Variants in IGFL2 observed in about 807,000 individuals in gnomAD.
The protein encoded by IGFL2 is insulin growth factor-like family member 2.
IGFL2 carries 7 observed loss-of-function variants against 13.9 expected under a neutral mutation model. The ratio of observed to expected loss-of-function variants is 0.51; its 90% CI spans 0.29 to 0.95. The LOEUF is 0.95. IGFL2 is among the 40% of genes least tolerant of loss of function. The pLI is 0.08. For synonymous variants in IGFL2, 55 were observed against 55.8 expected, an observed-to-expected ratio of 0.99 and a Z score of 0.07; for missense variants, 138 against 147.8, an observed-to-expected ratio of 0.93 and a Z score of 0.34.
At chr19:46,209,440 C>T in the IGFL2 span, 2 of 152,254 alleles carry the variant, frequency 1.3e-5, no homozygotes, top group Non-Finnish European at 2.9e-5. Context: ...CAACATAGGA[C>T]ACACCATGTC....
chr19:46,154,446 T>C (rs1437615105), intron 1 of IGFL2, among the ~76,000 whole-genome samples: 1 of 152,064 alleles, frequency 6.6e-6, no homozygotes, highest in Non-Finnish European at 1.5e-5. Flanking sequence ...GGGTTTTGTT[T>C]TGTTTTGTTT....
chr19:46,160,961 C>T, intron 3 of IGFL2, 80 bp downstream of exon 3: 1 of 1,556,806 alleles, frequency 6.4e-7, no homozygotes, highest in South Asian at 1.1e-5. Flanking sequence ...CTTCATCACT[C>T]CTTTTGAAGA....
the IGFL2 span, among the ~76,000 whole-genome samples, chr19:46,107,811 C>A: frequency 6.6e-6 from 1 of 152,086 alleles, no homozygotes; most frequent in African/African-American, 2.4e-5. Context: ...GCCTTCTGGC[C>A]CCTCTGGGTC....
chr19:46,185,300 C>T, the IGFL2 span, among the ~76,000 whole-genome samples: 4 of 152,214 alleles, frequency 2.6e-5, no homozygotes, highest in African/African-American at 7.2e-5. Flanking sequence ...TGCCTGCCAG[C>T]TCAGTTTCCT....
the IGFL2 span, among the ~76,000 whole-genome samples, chr19:46,086,516 G>T: frequency 1.3e-5 from 2 of 152,084 alleles, no homozygotes; most frequent in Admixed American, 1.3e-4. Flanking sequence ...TAGAGACAGG[G>T]TTCCACCATG....
the IGFL2 span, chr19:46,197,386 C>T: frequency 1.3e-5 from 2 of 155,366 alleles, no homozygotes; most frequent in African/African-American, 4.8e-5. Flanking sequence ...CCTCCTGCCT[C>T]TAGTCAATCC....
At chr19:46,200,250 C>T in the IGFL2 span, among the ~76,000 whole-genome samples, 2 of 152,222 alleles carry the variant, frequency 1.3e-5, no homozygotes, top group Middle Eastern at 6.8e-3. Flanking sequence ...CTCACTGAAA[C>T]TTCCACTTCT....
chr19:46,206,829 G>A, the IGFL2 span: 2 of 152,212 alleles, frequency 1.3e-5, no homozygotes, highest in African/African-American at 2.4e-5. Flanking sequence ...GAGGCCAGAA[G>A]GCAGAATGAG....
At chr19:46,187,909 G>A in the IGFL2 span, among the ~76,000 whole-genome samples, 2 of 150,182 alleles carry the variant, frequency 1.3e-5, no homozygotes, top group African/African-American at 2.4e-5. Context: ...GATCAGAGAC[G>A]GTGAGCATTA....
chr19:46,147,688 C>T (rs1366095816), upstream of IGFL2: 3 of 152,354 alleles, frequency 2.0e-5, no homozygotes, highest in East Asian at 1.9e-4. Context: ...TTGTTGTAAC[C>T]GTACTGGGTG....
At chr19:46,124,104 C>T in the IGFL2 span, 6 of 1,610,880 alleles carry the variant, frequency 3.7e-6, no homozygotes, top group East Asian at 2.3e-5. Context: ...AGATCTTGTT[C>T]CCACACCTGG....
At chr19:46,163,393 G>A (rs777951148), downstream of IGFL2, among the ~76,000 whole-genome samples, 1 of 152,158 alleles carries the variant, frequency 6.6e-6, no homozygotes, top group Non-Finnish European at 1.5e-5. Flanking sequence ...AGAGATGAAG[G>A]TCAGCAGCCA....
Position 46,148,716 on chromosome 19 carries a change from T to C in IGFL2, c.19+419T>C, listed in dbSNP as rs1227377668. ...ACTCAGAAGGGACCATAGGTGAGAA[T>C]GGGTGTGGTGAGTGGAGGGAGAAGA... On this transcript the variant is annotated intron_variant, in intron 1 of 3. Transcript: ENST00000377693. 7.8e-6 allele frequency: 5 copies of C among 640,848 alleles called. No individual in the cohort carries two copies. In the South Asian group the frequency reaches 1.0e-4, roughly 13 times the overall value. The allele number at this position is 640,848 out of a possible 1,614,324, so 39.7% of individuals were successfully genotyped here.
the IGFL2 span, among the ~76,000 whole-genome samples, chr19:46,082,816 A>C: frequency 6.6e-6 from 1 of 151,584 alleles, no homozygotes; most frequent in African/African-American, 2.4e-5. Flanking sequence ...GTAGTCAGTT[A>C]GTCATATGGG....
chr19:46,188,755 C>T, the IGFL2 span, among the ~76,000 whole-genome samples: 1 of 152,348 alleles, frequency 6.6e-6, no homozygotes, highest in Admixed American at 6.5e-5. Context: ...CCTTGTTTGT[C>T]CTCTGATGCC....
the IGFL2 span, among the ~76,000 whole-genome samples, chr19:46,194,238 A>G: frequency 1.8e-4 from 27 of 152,138 alleles, no homozygotes; most frequent in South Asian, 4.2e-4. Flanking sequence ...GATGGAGTCT[A>G]TGTTGTCTTT....
the IGFL2 span, among the ~76,000 whole-genome samples, chr19:46,079,859 C>T: frequency 1.3e-5 from 2 of 152,286 alleles, no homozygotes; most frequent in African/African-American, 4.8e-5. Context: ...AAACTCAGAA[C>T]AGTGTCAATT....
the IGFL2 span, among the ~76,000 whole-genome samples, chr19:46,088,988 A>G: frequency 2.0e-5 from 3 of 152,174 alleles, no homozygotes; most frequent in African/African-American, 4.8e-5. Context: ...GTAGATCTTA[A>G]AAGTTATTTA....
chr19:46,134,648 G>C, the IGFL2 span, among the ~76,000 whole-genome samples: 1 of 152,264 alleles, frequency 6.6e-6, no homozygotes, highest in South Asian at 2.1e-4. Context: ...CACATGCACA[G>C]TTCACAATAG....
Sources: gnomAD v4.1 joint callset for allele counts (sites outside exome capture counted in the v4.1 genomes callset) on GRCh38, gnomAD v4.1.1 for gene constraint, MANE v1.5 for transcripts, NCBI Gene and HGNC (gene_info 2026-07-23, HGNC 2026-07-21) for gene names.